Variants in BAZ2B observed in about 807,000 individuals in gnomAD.
BAZ2B encodes bromodomain adjacent to zinc finger domain protein 2B.
In BAZ2B, 91 loss-of-function variants were observed where a neutral mutation model predicts 246.0. The observed-to-expected ratio is 0.37, with a 90% CI of 0.31 to 0.44. BAZ2B has a LOEUF of 0.44. Among genes scored for constraint, BAZ2B ranks in the 20% least tolerant of loss-of-function variants. The probability of loss-of-function intolerance (pLI) is 1.00; values close to 1 mark genes in which losing one functional copy is unlikely to be tolerated. For missense variants in BAZ2B, 2,332 were observed against 2,533.7 expected (o/e 0.92, Z 1.71); for synonymous variants, 855 against 860.0 (o/e 0.99, Z 0.10).
At chr2:159,704,242 G>A in the BAZ2B span, among the ~76,000 whole-genome samples, 1 of 152,246 alleles carries the variant, frequency 6.6e-6, no homozygotes, top group African/African-American at 2.4e-5. Context: ...ATATACAAAA[G>A]TACAGATGAG....
chr2:159,455,763 GTTTTTTT>G (rs60866580), intron 3 of BAZ2B, among the ~76,000 whole-genome samples: 10 of 64,610 alleles, frequency 1.5e-4, no homozygotes, highest in African/African-American at 2.7e-4. Flanking sequence ...AAATATTGTG[GTTTTTTT>G]TTTTTTTTTT....
intron 3 of BAZ2B, chr2:159,461,218 T>C (rs533116744): frequency 4.5e-4 from 68 of 152,506 alleles, no homozygotes; most frequent in African/African-American, 1.6e-3. Flanking sequence ...GGCCTGGTCA[T>C]AGAACTGTAA....
chr2:159,554,124 C>T (rs1437075161), intron 2 of BAZ2B, among the ~76,000 whole-genome samples: 1 of 152,162 alleles, frequency 6.6e-6, no homozygotes, highest in Admixed American at 6.5e-5. Context: ...TACTCTTTAA[C>T]TGATATTTAA....
At chr2:159,459,272 T>C (rs771293818) in intron 3 of BAZ2B, 2 of 152,220 alleles carry the variant, frequency 1.3e-5, no homozygotes, top group Non-Finnish European at 2.9e-5. Context: ...CTGTTATCAG[T>C]TGGCAGAGGC....
At chr2:159,497,570 T>C (rs527663850) in intron 2 of BAZ2B, among the ~76,000 whole-genome samples, 34 of 152,138 alleles carry the variant, frequency 2.2e-4, no homozygotes, top group African/African-American at 8.0e-4. Context: ...TCTAAAAGAT[T>C]CTATACTCTA....
rs753014690 is a variant in BAZ2B, at chr2:159,433,020, C to G, written c.1637G>C (p.Gly546Ala). 1 of 1,614,126 alleles carries G rather than the reference C, an allele frequency of 6.2e-7. No homozygotes were observed. Among genetic ancestry groups the G allele is most frequent in the South Asian group, 1.1e-5 (1 of 91,080 alleles). ...AGAGGGCATTACAGGTGTCTGATTGCCAGGGGTTCTTCTCCCACTTGTACT... is the reference window on the plus strand; with the variant it reads ...AGAGGGCATTACAGGTGTCTGATTGGCAGGGGTTCTTCTCCCACTTGTACT... ...NLSTSGRRTPGNQTPVMPSAS... is the reference protein window; with the variant it reads ...NLSTSGRRTPANQTPVMPSAS... The change falls in exon 9 of 37, where the codon GGC (glycine) becomes GCC (alanine). Residue 546 changes from glycine (G) to alanine (A), a missense_variant. Around this residue, in one of 9 missense-constraint regions of BAZ2B, gnomAD observed 651 missense variants for 650.9 expected, o/e 1.00. Transcript: ENST00000392783.
chr2:159,626,544 G>A, the BAZ2B span, among the ~76,000 whole-genome samples: 1 of 152,144 alleles, frequency 6.6e-6, no homozygotes, highest in African/African-American at 2.4e-5. Flanking sequence ...CAACTACATG[G>A]AAACTGAACA....
chr2:159,629,654 T>A, the BAZ2B span, among the ~76,000 whole-genome samples: 1 of 150,548 alleles, frequency 6.6e-6, no homozygotes, highest in South Asian at 2.1e-4. Flanking sequence ...GAGGGGAACG[T>A]CACACACTGG....
Position 159,350,317 on chromosome 2 carries a change from C to T in BAZ2B, c.4254G>A (p.Lys1418=), listed in dbSNP as rs370307989. Residue 1418 remains lysine, a synonymous_variant, in exon 28 of 37, where the codon AAG becomes AAA. Transcript: ENST00000392783. ...EIAKEREKLK[K]AESVQIKEEM... ...CTTCTTTGATCTGGACACTTTCTGC[C>T]TTTTTCAGTTTTTCTCTTTCTTTTG... is the stretch of plus-strand genomic sequence containing the variant. 1 of 1,573,954 alleles carries T rather than the reference C, an allele frequency of 6.4e-7. No individual in the cohort carries two copies. Among genetic ancestry groups the T allele is most frequent in the African/African-American group, 1.4e-5 (1 of 73,002 alleles).
the BAZ2B span, among the ~76,000 whole-genome samples, chr2:159,637,559 A>G: frequency 6.6e-6 from 1 of 152,066 alleles, no homozygotes; most frequent in Non-Finnish European, 1.5e-5. Flanking sequence ...GTAAATTGCT[A>G]AGGCTTTTTA....
chr2:159,576,870 G>T (rs372546650), intron 1 of BAZ2B, among the ~76,000 whole-genome samples: 3 of 117,906 alleles, frequency 2.5e-5, no homozygotes, highest in African/African-American at 1.0e-4. Context: ...CCGAGATCAC[G>T]CCACTGCACT....
At chr2:159,527,716 T>C (rs1013650662) in intron 2 of BAZ2B, among the ~76,000 whole-genome samples, 1 of 152,226 alleles carries the variant, frequency 6.6e-6, no homozygotes. Flanking sequence ...TGGATACTAC[T>C]TAAAGTAGTA....
At chr2:159,639,413 G>A in the BAZ2B span, among the ~76,000 whole-genome samples, 1 of 152,178 alleles carries the variant, frequency 6.6e-6, no homozygotes, top group Non-Finnish European at 1.5e-5. Context: ...TAATTGTGGT[G>A]TGTAAATTAC....
At chr2:159,478,479 C>A (rs540285091) in intron 3 of BAZ2B, 96 bp downstream of exon 3, 2 of 1,343,406 alleles carry the variant, frequency 1.5e-6, no homozygotes, top group Non-Finnish European at 2.0e-6. Flanking sequence ...CAGGTCAATG[C>A]AAGTCATGAG....
chr2:159,349,749 T>C lies in BAZ2B; in HGVS notation c.4822A>G (p.Asn1608Asp). Reference protein sequence around the residue: ...TPAPLGSSAQNPVGLNPFALS... With the variant: ...TPAPLGSSAQDPVGLNPFALS... ...GCAAATGGATTTAAGCCAACAGGAT[T>C]CTGAGCAGAAGATCCAAGAGGAGCT... The change falls in exon 28 of 37, where the codon AAT (asparagine) becomes GAT (aspartate). Residue 1608 changes from asparagine (N) to aspartate (D), a missense_variant. This residue lies in a region of BAZ2B where 676 missense variants were observed against 668.6 expected (regional missense o/e 1.01). Transcript: ENST00000392783. The C allele has an allele frequency of 6.2e-7, 1 of 1,614,002 alleles. No individual in the cohort carries two copies. The highest frequency in any genetic ancestry group is 8.5e-7 in the Non-Finnish European group (1 of 1,179,976).
chr2:159,350,190 G>C lies in BAZ2B; in HGVS notation c.4381C>G (p.Gln1461Glu). 6.2e-7 allele frequency: 1 copy of C among 1,614,016 alleles called. No individual in the cohort carries two copies. Among genetic ancestry groups the C allele is most frequent in the Non-Finnish European group, 8.5e-7 (1 of 1,179,968 alleles). ...KEKDNTNLFL[Q>E]KPGSFSKLSK... is the part of the protein sequence containing the mutation. ...AATTTGGAAAAAGAGCCAGGTTTCT[G>C]AAGGAATAGATTTGTGTTATCTTTT... is the stretch of plus-strand genomic sequence containing the variant. Residue 1461 changes from glutamine (Q) to glutamate (E), a missense_variant, in exon 28 of 37, where the codon CAG becomes GAG. Physicochemically the swap from Gln to Glu is conservative, Grantham distance 29. This residue lies in a region of BAZ2B where 676 missense variants were observed against 668.6 expected (regional missense o/e 1.01). Transcript: ENST00000392783.
At chr2:159,518,479 A>G (rs947627062) in intron 2 of BAZ2B, among the ~76,000 whole-genome samples, 1 of 152,222 alleles carries the variant, frequency 6.6e-6, no homozygotes, top group Non-Finnish European at 1.5e-5. Flanking sequence ...GGAAAGTCCA[A>G]GAAACCACAG....
At chr2:159,455,775 T>G (rs551640999) in intron 3 of BAZ2B, among the ~76,000 whole-genome samples, 3 of 146,968 alleles carry the variant, frequency 2.0e-5, no homozygotes, top group Non-Finnish European at 3.0e-5. Flanking sequence ...TTTTTTTTTT[T>G]TTTTTTTTTT....
chr2:159,457,996 T>A (rs2075982859), intron 3 of BAZ2B, among the ~76,000 whole-genome samples: 1 of 152,130 alleles, frequency 6.6e-6, no homozygotes, highest in African/African-American at 2.4e-5. Flanking sequence ...AGTCTGGCAT[T>A]CCTGACTGCC....
Sources: allele counts gnomAD v4.1 joint callset (sites outside exome capture counted in the v4.1 genomes callset), GRCh38; gene constraint gnomAD v4.1.1; regional missense constraint gnomAD v4.1.1; transcripts MANE v1.5; gene names NCBI Gene and HGNC (gene_info 2026-07-23, HGNC 2026-07-21).